The following ADAMTS19 variants were observed in gnomAD, a reference collection of about 807,000 sequenced individuals.
ADAMTS19 encodes A disintegrin and metalloproteinase with thrombospondin motifs 19.
ADAMTS19 carries 93 observed loss-of-function variants against 153.3 expected under a neutral mutation model. The ratio of observed to expected loss-of-function variants is 0.61; its 90% confidence interval spans 0.51 to 0.72. The LOEUF is 0.72. Among genes scored for constraint, ADAMTS19 ranks in the 30% least tolerant of loss-of-function variants. ADAMTS19 has a pLI of 0.00. For synonymous variants in ADAMTS19, 600 were observed against 556.6 expected, an observed-to-expected ratio of 1.08 and a Z score of -1.10; for missense variants, 1,482 against 1,552.1, an observed-to-expected ratio of 0.95 and a Z score of 0.76.
intron 21 of ADAMTS19, among the ~76,000 whole-genome samples, chr5:129,726,057 C>T (rs1049439834): frequency 8.5e-5 from 13 of 152,196 alleles, no homozygotes; most frequent in Admixed American, 6.5e-4. Flanking sequence ...TGTTTGTCTA[C>T]GTCAAAAACT....
Position 129,526,367 on chromosome 5 carries a change from A to AT in ADAMTS19, c.998dup (p.Glu334ArgfsTer32). Reference sequence around the variant, plus strand: ...ATACAAATTACCTCAAGAATACAACATAGAGACTGTAGTGGTTGCAGACCC... The same window carrying AT: ...ATACAAATTACCTCAAGAATACAACATTAGAGACTGTAGTGGTTGCAGACCC... On this transcript the variant is annotated frameshift_variant, in exon 4 of 23. Coordinates refer to ENST00000274487, the MANE Select transcript of ADAMTS19 (RefSeq NM_133638.6). LOFTEE classifies it high-confidence loss of function. 1 of 1,605,612 alleles carries AT rather than the reference A, an allele frequency of 6.2e-7. No individual in the cohort carries two copies. The highest frequency in any genetic ancestry group is 8.5e-7 in the Non-Finnish European group (1 of 1,176,422).
intron 2 of ADAMTS19, among the ~76,000 whole-genome samples, chr5:129,471,725 G>A (rs1750075782): frequency 1.3e-5 from 2 of 152,044 alleles, no homozygotes; most frequent in South Asian, 4.2e-4. Flanking sequence ...CCTCTAGTAG[G>A]CCCCAGAGTC....
intron 3 of ADAMTS19, among the ~76,000 whole-genome samples, chr5:129,517,600 A>C (rs1251288116): frequency 6.6e-6 from 1 of 151,946 alleles, no homozygotes. Flanking sequence ...TAAATATAGC[A>C]ACTCCTGCTC....
At chr5:129,531,703 A>G (rs574093598) in intron 6 of ADAMTS19, among the ~76,000 whole-genome samples, 2 of 152,198 alleles carry the variant, frequency 1.3e-5, no homozygotes, top group South Asian at 4.1e-4. Flanking sequence ...ATATATATAT[A>G]TGTATGTATA....
intron 10 of ADAMTS19, among the ~76,000 whole-genome samples, chr5:129,639,192 A>G (rs1752684278): frequency 6.6e-6 from 1 of 152,178 alleles, no homozygotes. Flanking sequence ...TTGCCTGTGT[A>G]ACATATGGAC....
chr5:129,579,289 G>GT (rs1267615396), intron 7 of ADAMTS19, among the ~76,000 whole-genome samples: 3 of 152,004 alleles, frequency 2.0e-5, no homozygotes, highest in African/African-American at 7.2e-5. Context: ...TGATGGGGTT[G>GT]TTTTTTTCTT....
intron 21 of ADAMTS19, among the ~76,000 whole-genome samples, chr5:129,714,440 A>AGAAAAAAAG (rs1378457907): frequency 6.7e-6 from 1 of 149,122 alleles, no homozygotes; most frequent in Admixed American, 6.8e-5. Context: ...AAAAAAAAAA[A>AGAAAAAAAG]AAAGAAAAAT....
intron 7 of ADAMTS19, among the ~76,000 whole-genome samples, chr5:129,592,206 C>T (rs997099729): frequency 1.3e-5 from 2 of 151,726 alleles, no homozygotes; most frequent in Non-Finnish European, 2.9e-5. Flanking sequence ...GGTGAAACCC[C>T]ATCTCTACTT....
chr5:129,701,819 T>C (rs768005397), intron 20 of ADAMTS19, among the ~76,000 whole-genome samples: 2 of 152,102 alleles, frequency 1.3e-5, no homozygotes, highest in Non-Finnish European at 2.9e-5. Context: ...GGGCATATTT[T>C]ATACACATTT....
At chr5:129,684,372 C>T (rs567249344) in intron 18 of ADAMTS19, 99 bp downstream of exon 18, 2 of 1,431,498 alleles carry the variant, frequency 1.4e-6, no homozygotes, top group Non-Finnish European at 1.9e-6. Flanking sequence ...TCTGCAATTC[C>T]AAAATCCATA....
At chr5:129,491,865 A>C (rs373560166) in intron 2 of ADAMTS19, among the ~76,000 whole-genome samples, 1 of 152,206 alleles carries the variant, frequency 6.6e-6, no homozygotes, top group East Asian at 1.9e-4. Context: ...TATTTAAAAA[A>C]ACTCACAATA....
At chr5:129,615,958 G>A (rs1751501480) in intron 8 of ADAMTS19, among the ~76,000 whole-genome samples, 1 of 151,950 alleles carries the variant, frequency 6.6e-6, no homozygotes, top group Non-Finnish European at 1.5e-5. Flanking sequence ...TTCTCAACAA[G>A]TGTATGTGCA....
Position 129,704,221 on chromosome 5 carries a change from T to A in ADAMTS19, c.3160-18T>A. 1 of 1,608,328 alleles carries A rather than the reference T, an allele frequency of 6.2e-7. No homozygotes were observed. On this transcript the variant is annotated intron_variant, in intron 20 of 22. Coordinates refer to ENST00000274487, the MANE Select transcript of ADAMTS19 (RefSeq NM_133638.6). The stretch of plus-strand genomic sequence containing the variant: ...CAATTCACCAACTTTATCTAAAACC[T>A]CTGATGTTATCTTCCAGTGTTCAGT...
intron 4 of ADAMTS19, 113 bp from the exon 5 acceptor site, chr5:129,527,635 A>T (rs1386360892): frequency 5.0e-5 from 14 of 280,992 alleles, no homozygotes; most frequent in Middle Eastern, 1.2e-3. Context: ...TTTTTTTTTA[A>T]AAAAAAAAAA....
At chr5:129,680,815 G>A (rs188353849) in intron 17 of ADAMTS19, among the ~76,000 whole-genome samples, 280 of 150,886 alleles carry the variant, frequency 1.9e-3, no homozygotes, top group Middle Eastern at 0.01. Context: ...AGAATTTGAA[G>A]AGAAAAAATC....
At chr5:129,714,131 C>T (rs138613289) in intron 21 of ADAMTS19, among the ~76,000 whole-genome samples, 30 of 152,136 alleles carry the variant, frequency 2.0e-4, no homozygotes. Flanking sequence ...TAGAAAAATA[C>T]ATATCTGGCC....
At chr5:129,679,123 T>A (rs1754679266) in intron 16 of ADAMTS19, among the ~76,000 whole-genome samples, 1 of 152,212 alleles carries the variant, frequency 6.6e-6, no homozygotes, top group Admixed American at 6.5e-5. Flanking sequence ...GTAAACAGAA[T>A]TATTCTGTAA....
At position 129,738,441 on chromosome 5, in the gene ADAMTS19, A is replaced by T. The variant is rs1373012754; in HGVS notation, c.*1223A>T. ...TCTTCTAGAGGATGTTTATAGAGTG[A>T]ACTGCCTTGGAAGATAGTATGTCTC... On this transcript the variant is annotated 3_prime_UTR_variant, in exon 23 of 23. Coordinates refer to ENST00000274487, the MANE Select transcript of ADAMTS19 (RefSeq NM_133638.6). The T allele has an allele frequency of 6.6e-6, 1 of 152,038 alleles. No individual in the cohort carries two copies. The highest frequency in any genetic ancestry group is 2.4e-5 in the African/African-American group (1 of 41,432). 9.4% of individuals were successfully genotyped at this position (152,038 alleles called of 1,614,324 possible).
chr5:129,501,371 G>A (rs1179286526), intron 2 of ADAMTS19, among the ~76,000 whole-genome samples: 1 of 152,106 alleles, frequency 6.6e-6, no homozygotes, highest in Non-Finnish European at 1.5e-5. Flanking sequence ...ATATAGAACA[G>A]TCAGCTCAAG....
Sources: gnomAD v4.1 joint callset for allele counts (sites outside exome capture counted in the v4.1 genomes callset) on GRCh38, gnomAD v4.1.1 for gene constraint, MANE v1.5 for transcripts, NCBI Gene and HGNC (gene_info 2026-07-23, HGNC 2026-07-21) for gene names.